Variants in SCN11A observed in about 807,000 individuals in gnomAD.
SCN11A encodes the protein sodium channel protein type 11 subunit alpha.
A neutral mutation model predicts 162.2 loss-of-function variants in SCN11A; 122 were observed. The ratio of observed to expected loss-of-function variants is 0.75; its 90% CI spans 0.65 to 0.87. The LOEUF (loss-of-function observed/expected upper bound fraction) is 0.87, where lower values mean the gene tolerates loss of function less well. SCN11A is among the 40% of genes least tolerant of loss of function. SCN11A has a pLI of 0.00. For synonymous variants in SCN11A, 758 were observed against 751.5 expected (o/e 1.01, Z -0.14); for missense variants, 2,015 against 2,181.6 (o/e 0.92, Z 1.52).
intron 7 of SCN11A, among the ~76,000 whole-genome samples, chr3:38,933,626 G>A (rs2066280707): frequency 2.0e-5 from 3 of 152,210 alleles, no homozygotes; most frequent in Admixed American, 6.5e-5. Flanking sequence ...GGGTATCAGT[G>A]ATGGAAGATG....
At chr3:39,010,453 A>G (rs2031097806) in intron 2 of SCN11A, among the ~76,000 whole-genome samples, 1 of 147,980 alleles carries the variant, frequency 6.8e-6, no homozygotes, top group Non-Finnish European at 1.5e-5. Flanking sequence ...ATCTCTGCTC[A>G]CTGCAAGCTC....
chr3:39,029,914 T>C (rs750362767), intron 2 of SCN11A, among the ~76,000 whole-genome samples: 2 of 152,220 alleles, frequency 1.3e-5, no homozygotes, highest in African/African-American at 4.8e-5. Flanking sequence ...AGGAAAAGAA[T>C]TGTCTTCAGT....
At chr3:39,000,151 T>C (rs2125597949) in intron 2 of SCN11A, among the ~76,000 whole-genome samples, 1 of 152,376 alleles carries the variant, frequency 6.6e-6, no homozygotes, top group Admixed American at 6.5e-5. Flanking sequence ...CATTTCCAAT[T>C]TGATGTTTGT....
At chr3:38,980,823 A>G (rs961763325) in intron 2 of SCN11A, among the ~76,000 whole-genome samples, 1 of 152,190 alleles carries the variant, frequency 6.6e-6, no homozygotes, top group Non-Finnish European at 1.5e-5. Flanking sequence ...CCCCAACATC[A>G]TGCTACCAAG....
chr3:38,916,885 G>C (rs896801629), intron 11 of SCN11A, among the ~76,000 whole-genome samples: 1 of 152,192 alleles, frequency 6.6e-6, no homozygotes, highest in Non-Finnish European at 1.5e-5. Flanking sequence ...TGCCTGGAAA[G>C]ATGATCACAG....
In SCN11A at chr3:38,926,836, C is replaced by G; in HGVS notation, c.584G>C (p.Trp195Ser). ...LDEFSFLRDPWNWLDSIVIGI... is the reference protein window; with the variant it reads ...LDEFSFLRDPSNWLDSIVIGI... The stretch of plus-strand genomic sequence containing the variant: ...AATGACAATGGAGTCCAGCCAGTTC[C>G]ATGGATCTCGAAGGAAAGAAAACTC... Residue 195 changes from tryptophan (W) to serine (S), a missense_variant, in exon 8 of 30, where the codon TGG (tryptophan) becomes TCG (serine). Coordinates refer to ENST00000302328, the MANE Select transcript of SCN11A (RefSeq NM_001349253.2). The G allele has an allele frequency of 3.1e-6, 5 of 1,613,868 alleles. No homozygotes were observed. Among genetic ancestry groups the G allele is most frequent in the Non-Finnish European group, 3.4e-6 (4 of 1,179,752 alleles).
At chr3:39,040,922 CA>C (rs1390997845) in intron 1 of SCN11A, among the ~76,000 whole-genome samples, 12 of 147,842 alleles carry the variant, frequency 8.1e-5, no homozygotes, top group South Asian at 2.1e-4. Context: ...ACTAAAAATA[CA>C]AAAAAAAAAT....
At chr3:38,975,501 G>A (rs1454208904) in intron 2 of SCN11A, among the ~76,000 whole-genome samples, 1 of 151,784 alleles carries the variant, frequency 6.6e-6, no homozygotes, top group Non-Finnish European at 1.5e-5. Context: ...TCCTCGTACT[G>A]GTCTAATTCA....
chr3:39,045,978 G>A (rs185114449), intron 1 of SCN11A, among the ~76,000 whole-genome samples: 27 of 152,192 alleles, frequency 1.8e-4, no homozygotes, highest in Admixed American at 1.2e-3. Context: ...AAACAGTAGC[G>A]GCCAGGCACA....
At chr3:38,928,160 G>T (rs936448837) in intron 7 of SCN11A, among the ~76,000 whole-genome samples, 6 of 152,190 alleles carry the variant, frequency 3.9e-5, no homozygotes, top group East Asian at 1.9e-4. Flanking sequence ...AACTCAATAT[G>T]GATTAAAGTC....
chr3:38,884,652 T>C (rs1161054780), intron 21 of SCN11A, among the ~76,000 whole-genome samples: 2 of 152,156 alleles, frequency 1.3e-5, no homozygotes, highest in Non-Finnish European at 2.9e-5. Context: ...ATATAACAAA[T>C]AGTAAAGGCC....
Position 38,896,405 on chromosome 3 carries a change from C to T in SCN11A, c.2403+440G>A, listed in dbSNP as rs2065598153. Among the ~76,000 whole-genome samples the T allele has an allele frequency of 2.0e-5, 3 of 152,208 alleles. No homozygotes were observed. In the South Asian group the frequency reaches 6.2e-4, roughly 32 times the overall value. On this transcript the variant is annotated intron_variant, in intron 18 of 29. Coordinates refer to ENST00000302328, the MANE Select transcript of SCN11A (RefSeq NM_001349253.2). Reference sequence around the variant, plus strand: ...TCCACCACAGCTCTAAGCTCATGATCTGGCTTTTCCAGGGGTCACAGTCAT... The same window carrying T: ...TCCACCACAGCTCTAAGCTCATGATTTGGCTTTTCCAGGGGTCACAGTCAT...
At chr3:38,956,104 G>A (rs1043503323) in intron 3 of SCN11A, among the ~76,000 whole-genome samples, 1 of 152,118 alleles carries the variant, frequency 6.6e-6, no homozygotes, top group Non-Finnish European at 1.5e-5. Flanking sequence ...AATCAGCCAG[G>A]TGTGGTGGTG....
intron 2 of SCN11A, among the ~76,000 whole-genome samples, chr3:39,012,347 A>C (rs1188384554): frequency 6.6e-6 from 1 of 151,982 alleles, no homozygotes; most frequent in African/African-American, 2.4e-5. Context: ...AAGAAAAGGA[A>C]AGAAATTCTG....
intron 19 of SCN11A, among the ~76,000 whole-genome samples, chr3:38,891,931 C>A (rs1386548504): frequency 6.6e-6 from 1 of 151,964 alleles, no homozygotes; most frequent in Non-Finnish European, 1.5e-5. Context: ...CTAAGAAGCC[C>A]AATGAAACCC....
chr3:38,856,865 G>T (rs1003296230), intron 28 of SCN11A, among the ~76,000 whole-genome samples: 1 of 152,132 alleles, frequency 6.6e-6, no homozygotes, highest in Non-Finnish European at 1.5e-5. Flanking sequence ...GGGAAAGCCA[G>T]TGCACAATGA....
At position 38,899,528 on chromosome 3, in the gene SCN11A, G is replaced by A. The variant is rs138958786; in HGVS notation, c.2022+366C>T. On this transcript the variant is annotated intron_variant, in intron 17 of 29. Transcript: ENST00000302328. ...TTGGCGAGCCCAATATGACCTGAAA[G>A]ATAGGAATATTTTCCCTTATTTATT... 2.0e-3 allele frequency among the ~76,000 whole-genome samples: 304 copies of A among 152,198 alleles called. 2 individuals are homozygous for A. Among genetic ancestry groups the A allele is most frequent in the African/African-American group, 6.9e-3 (288 of 41,532 alleles).
chr3:38,950,527 C>T, intron 4 of SCN11A, 158 bp from the exon 5 acceptor site: 1 of 687,286 alleles, frequency 1.5e-6, no homozygotes. Flanking sequence ...CTGTGAAGAT[C>T]AGAAGAGATG....
At chr3:38,904,215 A>G (rs2065754148) in intron 15 of SCN11A, 112 bp from the exon 16 acceptor site, 2 of 621,714 alleles carry the variant, frequency 3.2e-6, no homozygotes, top group Non-Finnish European at 5.4e-6. Context: ...ATACATGATC[A>G]GTTGTGAAAT....
Sources: gnomAD v4.1 joint callset for allele counts (sites outside exome capture counted in the v4.1 genomes callset) on GRCh38, gnomAD v4.1.1 for gene constraint, MANE v1.5 for transcripts, NCBI Gene and HGNC (gene_info 2026-07-23, HGNC 2026-07-21) for gene names.